The following RIN2 variants were observed in gnomAD, a reference collection of about 807,000 sequenced individuals.
RIN2 encodes the protein Ras and Rab interactor 2.
RIN2 carries 36 observed loss-of-function variants against 78.0 expected under a neutral mutation model. The observed-to-expected ratio is 0.46, with a 90% confidence interval of 0.35 to 0.61. RIN2 has a LOEUF of 0.61. Among genes scored for constraint, RIN2 ranks in the 20% least tolerant of loss-of-function variants. RIN2 has a pLI of 0.00. For missense variants in RIN2, 1,087 were observed against 1,159.7 expected (o/e 0.94, Z 0.91); for synonymous variants, 466 against 466.8 (o/e 1.00, Z 0.02).
chr20:19,844,658 TTCTTCTTCTTCCTTCTTCTTCTTCTTCC>T (rs1568807545), intron 2 of RIN2, among the ~76,000 whole-genome samples: 4 of 128,066 alleles, frequency 3.1e-5, no homozygotes, highest in African/African-American at 1.1e-4. Context: ...CTTCTTCTTC[TTCTTCTTCTTCCTTCTTCTTCTTCTTCC>T]TCTTCCTCTT....
chr20:19,960,455 G>A (rs2041703759), intron 5 of RIN2, among the ~76,000 whole-genome samples: 1 of 152,214 alleles, frequency 6.6e-6, no homozygotes, highest in Non-Finnish European at 1.5e-5. Context: ...GACTAGGGGA[G>A]TTCTTAGCCC....
intron 3 of RIN2, among the ~76,000 whole-genome samples, chr20:19,924,297 CCATACT>C (rs2040083507): frequency 4.0e-5 from 1 of 24,732 alleles, no homozygotes; most frequent in African/African-American, 3.2e-4. Context: ...TACCCCACCT[CCATACT>C]CCACCTTCAT....
At chr20:19,967,448 T>A (rs1358713517) in intron 7 of RIN2, among the ~76,000 whole-genome samples, 1 of 152,282 alleles carries the variant, frequency 6.6e-6, no homozygotes, top group Non-Finnish European at 1.5e-5. Context: ...TGGTTGTTAG[T>A]ATATAAATAT....
chr20:19,826,728 C>T (rs994634212), intron 2 of RIN2, among the ~76,000 whole-genome samples: 2 of 152,178 alleles, frequency 1.3e-5, no homozygotes, highest in African/African-American at 4.8e-5. Flanking sequence ...CTGCGCAGGA[C>T]AGGCACGGAG....
rs753872502 is a variant in RIN2, at chr20:19,974,987, C to T, written c.962C>T (p.Thr321Ile). 5.0e-6 allele frequency: 8 copies of T among 1,612,264 alleles called. No homozygotes were observed. In the South Asian group the frequency reaches 8.8e-5, roughly 18 times the overall value. The change falls in exon 9 of 13, where the codon ACA (threonine) becomes ATA (isoleucine). Residue 321 changes from threonine to isoleucine, a missense_variant. Thr to Ile is a moderately conservative substitution (Grantham distance 89). Coordinates refer to ENST00000255006, the MANE Select transcript of RIN2 (RefSeq NM_018993.4). The part of the protein sequence containing the change: ...PPPPAINSLH[T>I]SPRLARTETQ... ...CCACCCGCTATTAATAGTCTCCACA[C>T]AAGCCCTCGGCTGGCCAGGACTGAA...
At chr20:19,954,941 TTGG>T (rs2041474318) in intron 4 of RIN2, among the ~76,000 whole-genome samples, 1 of 152,160 alleles carries the variant, frequency 6.6e-6, no homozygotes, top group Admixed American at 6.5e-5. Flanking sequence ...TCAATATGGT[TTGG>T]TCATTAAGAC....
intron 2 of RIN2, among the ~76,000 whole-genome samples, 151 bp downstream of exon 2, chr20:19,799,898 T>A (rs150575449): frequency 1.3e-5 from 2 of 152,266 alleles, no homozygotes; most frequent in East Asian, 3.9e-4. Context: ...ACAGGGAGGA[T>A]GTTTTCCAGC....
intron 2 of RIN2, among the ~76,000 whole-genome samples, chr20:19,826,981 T>TTTG (rs1555827781): frequency 1.3e-5 from 2 of 149,446 alleles, no homozygotes; most frequent in African/African-American, 4.9e-5. Context: ...TTGGGTTTTT[T>TTTG]TTTTTTTTTT....
chr20:19,983,731 G>A (rs1279929700), intron 9 of RIN2, among the ~76,000 whole-genome samples: 2 of 152,120 alleles, frequency 1.3e-5, no homozygotes, highest in South Asian at 2.1e-4. Context: ...ACATGCATAT[G>A]TTGCGTAGTG....
At chr20:19,886,612 CTTTTTTT>C in intron 2 of RIN2, 104 of 519,588 alleles carry the variant, frequency 2.0e-4, no homozygotes, top group East Asian at 2.5e-4. Flanking sequence ...TCTTCTTCTT[CTTTTTTT>C]TTTTTTTTTT....
At chr20:19,766,862 A>C (rs1279234849) in intron 1 of RIN2, among the ~76,000 whole-genome samples, 1 of 151,472 alleles carries the variant, frequency 6.6e-6, no homozygotes, top group East Asian at 1.9e-4. Flanking sequence ...CAGTGAGCTG[A>C]GATCGCGCCA....
At chr20:19,883,751 G>A (rs928067101) in intron 2 of RIN2, among the ~76,000 whole-genome samples, 1 of 152,090 alleles carries the variant, frequency 6.6e-6, no homozygotes, top group African/African-American at 2.4e-5. Context: ...TGTGGACAAG[G>A]TGAGAGTTTC....
intron 3 of RIN2, among the ~76,000 whole-genome samples, chr20:19,890,552 G>A (rs969397966): frequency 1.6e-4 from 25 of 152,120 alleles, no homozygotes; most frequent in African/African-American, 5.3e-4. Flanking sequence ...TTTTATTACC[G>A]AGGACAAGTG....
At chr20:19,923,645 A>T (rs906981756) in intron 3 of RIN2, among the ~76,000 whole-genome samples, 11 of 151,958 alleles carry the variant, frequency 7.2e-5, no homozygotes, top group Non-Finnish European at 1.5e-4. Flanking sequence ...TAAATTATCC[A>T]TTGTGTTTAT....
chr20:19,984,161 C>A (rs1446860183), intron 9 of RIN2, among the ~76,000 whole-genome samples: 1 of 151,952 alleles, frequency 6.6e-6, no homozygotes, highest in Non-Finnish European at 1.5e-5. Context: ...AACACTTGGA[C>A]ACAGGGTGGG....
chr20:19,851,774 C>T (rs557405697), intron 2 of RIN2, among the ~76,000 whole-genome samples: 3 of 152,258 alleles, frequency 2.0e-5, no homozygotes, highest in Admixed American at 2.0e-4. Flanking sequence ...TTGCTGAGCA[C>T]TGTGACAGCT....
At chr20:19,869,374 C>T (rs1008821344) in intron 2 of RIN2, among the ~76,000 whole-genome samples, 7 of 152,174 alleles carry the variant, frequency 4.6e-5, no homozygotes, top group African/African-American at 1.7e-4. Flanking sequence ...AGGTTACTGA[C>T]TTTTGTGACA....
intron 3 of RIN2, among the ~76,000 whole-genome samples, chr20:19,902,990 G>A (rs138432493): frequency 0.05 from 7,543 of 152,118 alleles, 628 homozygotes; most frequent in African/African-American, 0.17. Context: ...CTACTCGGGA[G>A]GCTGAGGCAG....
chr20:19,867,760 G>A (rs1350479971), intron 2 of RIN2, among the ~76,000 whole-genome samples: 1 of 152,208 alleles, frequency 6.6e-6, no homozygotes, highest in African/African-American at 2.4e-5. Flanking sequence ...TAAGATGGTG[G>A]TGTCCACCAA....
Sources: allele counts gnomAD v4.1 joint callset (sites outside exome capture counted in the v4.1 genomes callset), GRCh38; gene constraint gnomAD v4.1.1; transcripts MANE v1.5; gene names NCBI Gene and HGNC (gene_info 2026-07-23, HGNC 2026-07-21).